The following CNTN5 variants were observed in gnomAD, a reference collection of about 807,000 sequenced individuals.
The protein encoded by CNTN5 is contactin-5.
In CNTN5, 77 loss-of-function variants were observed where a neutral mutation model predicts 129.1. The ratio of observed to expected loss-of-function variants is 0.60; its 90% CI spans 0.50 to 0.72. The LOEUF (loss-of-function observed/expected upper bound fraction) is 0.72, where lower values mean the gene tolerates loss of function less well. Ranked by LOEUF, CNTN5 falls within the 30% of genes least tolerant of loss-of-function variation. The pLI, the probability that CNTN5 is intolerant of heterozygous loss-of-function variation, is 0.00. For synonymous variants in CNTN5, 509 were observed against 465.6 expected (o/e 1.09, Z -1.20); for missense variants, 1,478 against 1,328.8 (o/e 1.11, Z -1.75).
At chr11:99,104,211 G>A (rs917530712) in intron 1 of CNTN5, among the ~76,000 whole-genome samples, 1 of 152,130 alleles carries the variant, frequency 6.6e-6, no homozygotes, top group Admixed American at 6.5e-5. Flanking sequence ...AAATTAATGA[G>A]TATTAAAGAC....
intron 1 of CNTN5, among the ~76,000 whole-genome samples, chr11:99,269,526 A>G (rs1455153593): frequency 6.6e-6 from 1 of 151,854 alleles, no homozygotes; most frequent in African/African-American, 2.4e-5. Context: ...ACAAGAAATG[A>G]TCTTGTACTA....
intron 3 of CNTN5, among the ~76,000 whole-genome samples, chr11:99,642,386 A>G (rs1054746317): frequency 2.0e-5 from 3 of 152,142 alleles, no homozygotes; most frequent in African/African-American, 7.2e-5. Flanking sequence ...GTCATTTGTA[A>G]TAGAAATTTT....
chr11:99,772,071 A>T (rs992672755), intron 3 of CNTN5, among the ~76,000 whole-genome samples: 7 of 148,590 alleles, frequency 4.7e-5, no homozygotes, highest in Admixed American at 2.0e-4. Flanking sequence ...CTTCTGAGGT[A>T]TTTTTTTTTT....
intron 8 of CNTN5, among the ~76,000 whole-genome samples, chr11:99,965,778 T>C (rs892825547): frequency 6.6e-6 from 1 of 152,162 alleles, no homozygotes; most frequent in African/African-American, 2.4e-5. Context: ...TCTCCCACTA[T>C]TGTGTGGGAG....
At chr11:99,786,303 G>A (rs1945521570) in intron 3 of CNTN5, among the ~76,000 whole-genome samples, 3 of 152,112 alleles carry the variant, frequency 2.0e-5, no homozygotes, top group Non-Finnish European at 4.4e-5. Context: ...TACAAGGGAT[G>A]TGAAGGACCT....
chr11:100,286,823 A>T (rs1950806043), intron 18 of CNTN5, among the ~76,000 whole-genome samples: 1 of 150,378 alleles, frequency 6.6e-6, no homozygotes, highest in Non-Finnish European at 1.5e-5. Flanking sequence ...ACGGGAGGAC[A>T]TTCAAACCAA....
chr11:99,498,993 T>C (rs1012311756), intron 2 of CNTN5, among the ~76,000 whole-genome samples: 2 of 152,178 alleles, frequency 1.3e-5, no homozygotes, highest in African/African-American at 4.8e-5. Context: ...CTACCTCTGA[T>C]GTTTGCAATC....
chr11:99,730,878 A>G (rs1226310253), intron 3 of CNTN5, among the ~76,000 whole-genome samples: 1 of 152,184 alleles, frequency 6.6e-6, no homozygotes, highest in African/African-American at 2.4e-5. Context: ...GCTAGAGAAC[A>G]CTAGATCCTA....
intron 4 of CNTN5, among the ~76,000 whole-genome samples, chr11:99,820,635 T>C (rs1946772846): frequency 1.9e-5 from 1 of 53,494 alleles, no homozygotes; most frequent in Non-Finnish European, 4.6e-5. Flanking sequence ...CTATTTTATA[T>C]AGATATGCCA....
chr11:100,199,487 A>T (rs907271513), intron 15 of CNTN5, among the ~76,000 whole-genome samples: 2 of 151,864 alleles, frequency 1.3e-5, no homozygotes, highest in African/African-American at 2.4e-5. Flanking sequence ...AACTTAAAAA[A>T]TTGTGTAATT....
At chr11:99,264,936 A>G (rs1354524439) in intron 1 of CNTN5, among the ~76,000 whole-genome samples, 1 of 152,054 alleles carries the variant, frequency 6.6e-6, no homozygotes, top group Non-Finnish European at 1.5e-5. Flanking sequence ...TTATGTTTTT[A>G]TAATTCTTTG....
intron 1 of CNTN5, among the ~76,000 whole-genome samples, chr11:99,104,488 T>C (rs1033194226): frequency 2.0e-5 from 3 of 152,116 alleles, no homozygotes; most frequent in Non-Finnish European, 4.4e-5. Flanking sequence ...TTGCACAGTA[T>C]GATGGCCGTA....
chr11:99,902,107 A>G lies in CNTN5; in HGVS notation c.578-13947A>G, dbSNP rs535738723. Among the ~76,000 whole-genome samples the G allele has an allele frequency of 1.6e-3, 248 of 152,284 alleles. 1 individual carries two copies. In the Middle Eastern group the frequency reaches 0.017, roughly 10 times the overall value. On this transcript the variant is annotated intron_variant, in intron 6 of 24. Coordinates refer to ENST00000524871, the MANE Select transcript of CNTN5 (RefSeq NM_014361.4). The stretch of plus-strand genomic sequence containing the variant: ...AATAACTTGACCTCCCACCACAATG[A>G]CATGAACTGGCAATACGGAAAAGTC...
At chr11:99,608,699 G>T (rs75495002) in intron 3 of CNTN5, among the ~76,000 whole-genome samples, 4,481 of 152,250 alleles carry the variant, frequency 0.029, 71 homozygotes, top group Admixed American at 0.046. Flanking sequence ...AACTTGTGTT[G>T]CTTAAGCCAC....
chr11:99,659,429 C>T lies in CNTN5; in HGVS notation c.55+103160C>T, dbSNP rs551814076. ...GTTTTAGGTTTTGGTAACTGTAAAC[C>T]GTGTTTTAATTAATATAAATACACT... On this transcript the variant is annotated intron_variant, in intron 3 of 24. Transcript: ENST00000524871. Among the ~76,000 whole-genome samples, 12 of 152,008 alleles carry T rather than the reference C, an allele frequency of 7.9e-5. No individual in the cohort carries two copies. The South Asian group carries it at 2.3e-3, about 29-fold the overall frequency.
At chr11:100,193,400 C>A (rs1232016625) in intron 14 of CNTN5, 88 bp from the exon 15 acceptor site, 3 of 838,382 alleles carry the variant, frequency 3.6e-6, no homozygotes, top group Non-Finnish European at 5.3e-6. Flanking sequence ...GTATAGATTT[C>A]TTCTTTTCTC....
chr11:99,947,041 T>TAAATATGATATAAAC (rs1565708146), intron 7 of CNTN5, among the ~76,000 whole-genome samples: 5 of 73,650 alleles, frequency 6.8e-5, no homozygotes, highest in Non-Finnish European at 1.1e-4. Context: ...TGTTTTACAT[T>TAAATATGATATAAAC]ATAAATGTGA....
intron 1 of CNTN5, among the ~76,000 whole-genome samples, chr11:99,248,603 A>C (rs1040681970): frequency 6.6e-6 from 1 of 152,134 alleles, no homozygotes; most frequent in South Asian, 2.1e-4. Flanking sequence ...TAGGTCTAAC[A>C]TTTAAGTTTT....
chr11:100,172,287 G>C (rs1309777398), intron 13 of CNTN5, among the ~76,000 whole-genome samples: 1 of 151,854 alleles, frequency 6.6e-6, no homozygotes, highest in African/African-American at 2.4e-5. Context: ...AATGTGGTCT[G>C]ATAAATTAAT....
Sources: gnomAD v4.1 joint callset for allele counts (sites outside exome capture counted in the v4.1 genomes callset) on GRCh38, gnomAD v4.1.1 for gene constraint, MANE v1.5 for transcripts, NCBI Gene and HGNC (gene_info 2026-07-23, HGNC 2026-07-21) for gene names.